Variants in MAP4 observed in about 807,000 individuals in gnomAD.
MAP4 encodes the protein microtubule-associated protein 4.
In MAP4, 76 loss-of-function variants were observed where a neutral mutation model predicts 170.2. The observed-to-expected ratio is 0.45, with a 90% CI of 0.37 to 0.54. The LOEUF is 0.54. MAP4 is among the 20% of genes least tolerant of loss of function. MAP4 has a pLI of 0.00. For synonymous variants in MAP4, 909 were observed against 994.5 expected, an observed-to-expected ratio of 0.91 and a Z score of 1.62; for missense variants, 2,506 against 2,748.0, an observed-to-expected ratio of 0.91 and a Z score of 1.97.
At chr3:48,030,755 T>C (rs1273534151) in intron 1 of MAP4, among the ~76,000 whole-genome samples, 6 of 122,524 alleles carry the variant, frequency 4.9e-5, no homozygotes, top group Admixed American at 2.3e-4. Context: ...GCCGAGATTG[T>C]ACCACTGCAC....
chr3:47,879,355 G>A lies in MAP4; in HGVS notation c.5435-1832C>T, dbSNP rs1228679533. Among the ~76,000 whole-genome samples the A allele has an allele frequency of 3.3e-5, 5 of 152,184 alleles. 1 individual carries two copies. The highest frequency in any genetic ancestry group is 7.3e-5 in the Non-Finnish European group (5 of 68,028). On this transcript the variant is annotated intron_variant, in intron 10 of 20. Transcript: ENST00000683076. Reference sequence around the variant, plus strand: ...TGCATTTTAAAAGAATTTTTGAAAGGATTGTAATTAAACAGAACAACGTTT... The same window carrying A: ...TGCATTTTAAAAGAATTTTTGAAAGAATTGTAATTAAACAGAACAACGTTT...
At chr3:47,865,207 G>C (rs2077264752) in intron 17 of MAP4, among the ~76,000 whole-genome samples, 1 of 152,152 alleles carries the variant, frequency 6.6e-6, no homozygotes, top group South Asian at 2.1e-4. Flanking sequence ...CATTAATGAT[G>C]ACTATTTTCA....
chr3:47,891,121 T>C, intron 10 of MAP4: 1 of 1,536,430 alleles, frequency 6.5e-7, no homozygotes, highest in Non-Finnish European at 8.7e-7. Flanking sequence ...GTCCTGGCTG[T>C]TTCTCTCCTC....
In MAP4 at chr3:47,875,674, TG is replaced by T; in HGVS notation, c.5757+10del. On this transcript the variant is annotated intron_variant, in intron 12 of 20. Coordinates refer to ENST00000683076, the MANE Select transcript of MAP4 (RefSeq NM_001385682.1). ...AATTTTCCTCGGCACAGTAGTTAGGTGACCACTTACCTTTGGCTTCACGTCT... is the reference window on the plus strand; with the variant it reads ...AATTTTCCTCGGCACAGTAGTTAGGTACCACTTACCTTTGGCTTCACGTCT... 6.2e-7 allele frequency: 1 copy of T among 1,609,700 alleles called. No homozygotes were observed. Among genetic ancestry groups the T allele is most frequent in the Non-Finnish European group, 8.5e-7 (1 of 1,178,566 alleles).
chr3:48,044,988 G>A (rs1364983887), intron 1 of MAP4, among the ~76,000 whole-genome samples: 1 of 151,292 alleles, frequency 6.6e-6, no homozygotes, highest in Non-Finnish European at 1.5e-5. Context: ...CAGGCACAGT[G>A]TCTCACACCT....
chr3:48,084,793 G>A (rs1197103231), intron 1 of MAP4, among the ~76,000 whole-genome samples: 3 of 124,094 alleles, frequency 2.4e-5, no homozygotes, highest in Non-Finnish European at 5.0e-5. Context: ...ATTATCTGGG[G>A]ACCGACTAAG....
chr3:48,074,884 C>A (rs1221284836), intron 1 of MAP4, among the ~76,000 whole-genome samples: 2 of 151,916 alleles, frequency 1.3e-5, no homozygotes, highest in African/African-American at 4.8e-5. Flanking sequence ...AAAGGCATCC[C>A]ACGTTCATGA....
chr3:47,872,231 T>C, intron 12 of MAP4, 131 bp from the exon 13 acceptor site: 1 of 771,644 alleles, frequency 1.3e-6, no homozygotes, highest in Non-Finnish European at 2.0e-6. Context: ...TTGCCCAGGC[T>C]GGAGTGCAGT....
intron 2 of MAP4, among the ~76,000 whole-genome samples, chr3:47,984,876 G>A (rs1447313345): frequency 1.3e-5 from 2 of 152,010 alleles, no homozygotes; most frequent in African/African-American, 2.4e-5. Flanking sequence ...GGCTGAGGCA[G>A]GAGAATCACT....
In MAP4 at chr3:47,998,837, A is replaced by C. The variant is rs201585305; in HGVS notation, c.24T>G (p.Asp8Glu). The C allele has an allele frequency of 6.2e-7, 1 of 1,614,178 alleles. No homozygotes were observed. The highest frequency in any genetic ancestry group is 1.3e-5 in the African/African-American group (1 of 75,056). Residue 8 changes from aspartate to glutamate, a missense_variant, in exon 2 of 21, where the codon GAT becomes GAG. Transcript: ENST00000683076. MADLSLA[D>E]ALTEPSPDIE... ...TGTCTGGAGATGGTTCTGTTAATGCATCTGCAAGACTGAGGTCAGCCATTC... is the reference window on the plus strand; with the variant it reads ...TGTCTGGAGATGGTTCTGTTAATGCCTCTGCAAGACTGAGGTCAGCCATTC...
At chr3:48,025,284 C>T (rs1188639830) in intron 1 of MAP4, among the ~76,000 whole-genome samples, 6 of 151,288 alleles carry the variant, frequency 4.0e-5, no homozygotes, top group Non-Finnish European at 7.4e-5. Context: ...GGTATACATA[C>T]CTACACACTT....
intron 1 of MAP4, among the ~76,000 whole-genome samples, chr3:48,043,973 G>A (rs1472529634): frequency 1.3e-5 from 2 of 152,082 alleles, no homozygotes; most frequent in Admixed American, 6.5e-5. Context: ...AGCCTCCTGA[G>A]TAGCTGGGAC....
intron 3 of MAP4, among the ~76,000 whole-genome samples, chr3:47,935,195 T>C (rs772480861): frequency 2.0e-5 from 3 of 152,214 alleles, no homozygotes; most frequent in Non-Finnish European, 4.4e-5. Flanking sequence ...AACAGTCACA[T>C]AACACAGTCG....
rs182499958 is a variant in MAP4 at position 47,957,002 on chromosome 3, T to C, written c.292+20863A>G. On this transcript the variant is annotated intron_variant, in intron 3 of 20. Transcript: ENST00000683076. ...AGTTGATTACGCTGGACTTCTATTA[T>C]GGGGAATAAGGGCAGGGGTGAGGGA... 3.7e-3 allele frequency among the ~76,000 whole-genome samples: 568 copies of C among 152,314 alleles called. 5 individuals are homozygous for C. The highest frequency in any genetic ancestry group is 0.013 in the African/African-American group (536 of 41,572).
intron 1 of MAP4, among the ~76,000 whole-genome samples, chr3:48,073,351 C>A (rs1158633147): frequency 6.6e-6 from 1 of 151,268 alleles, no homozygotes; most frequent in African/African-American, 2.4e-5. Flanking sequence ...TGGCTCACAC[C>A]TGTAATCCCA....
intron 3 of MAP4, among the ~76,000 whole-genome samples, chr3:47,948,225 CTTTTTT>C (rs35761893): frequency 7.8e-6 from 1 of 128,386 alleles, no homozygotes; most frequent in Non-Finnish European, 1.7e-5. Context: ...TTGACCTATT[CTTTTTT>C]TTTTTTTTTT....
At chr3:47,853,449 G>A in intron 19 of MAP4, 97 bp from the exon 20 acceptor site, 2 of 885,832 alleles carry the variant, frequency 2.3e-6, no homozygotes, top group Non-Finnish European at 3.4e-6. Flanking sequence ...CCCCACCCTT[G>A]CTGCCCTGGC....
chr3:47,909,060 T>C lies in MAP4; in HGVS notation c.5361A>G (p.Arg1787=), dbSNP rs1403562561. ...LPKSTIQEQE[R]HKQLKSAVCL... is the part of the protein sequence containing the mutation. ...TACCAGCGGACTTCAGTTGCTTATGTCTCTCTTGTTCCTGGATTGTAGACT... is the reference window on the plus strand; with the variant it reads ...TACCAGCGGACTTCAGTTGCTTATGCCTCTCTTGTTCCTGGATTGTAGACT... Residue 1787 remains arginine, a synonymous_variant, in exon 9 of 21, where the codon AGA becomes AGG. Coordinates refer to ENST00000683076, the MANE Select transcript of MAP4 (RefSeq NM_001385682.1). The C allele has an allele frequency of 6.2e-7, 1 of 1,613,404 alleles. No homozygotes were observed. Among genetic ancestry groups the C allele is most frequent in the Non-Finnish European group, 8.5e-7 (1 of 1,179,730 alleles).
intron 3 of MAP4, among the ~76,000 whole-genome samples, chr3:47,955,443 C>T (rs1368375458): frequency 2.9e-5 from 4 of 139,670 alleles, no homozygotes; most frequent in African/African-American, 1.1e-4. Flanking sequence ...CGTACACACA[C>T]ACACACACAC....
Sources: gnomAD v4.1 joint callset for allele counts (sites outside exome capture counted in the v4.1 genomes callset) on GRCh38, gnomAD v4.1.1 for gene constraint, MANE v1.5 for transcripts, NCBI Gene and HGNC (gene_info 2026-07-23, HGNC 2026-07-21) for gene names.